Variants in PABPC4L observed in about 807,000 individuals in gnomAD.
PABPC4L encodes the protein polyadenylate-binding protein 4-like.
For missense variants in PABPC4L, 452 were observed against 451.4 expected (o/e 1.00, Z -0.01); for synonymous variants, 169 against 164.1 (o/e 1.03, Z -0.23).
chr4:134,151,216 G>A, the PABPC4L span, among the ~76,000 whole-genome samples: 2 of 152,006 alleles, frequency 1.3e-5, no homozygotes, highest in African/African-American at 2.4e-5. Context: ...GATTACACAG[G>A]CATTTATGTT....
chr4:134,042,491 C>T, the PABPC4L span, among the ~76,000 whole-genome samples: 6 of 152,000 alleles, frequency 3.9e-5, no homozygotes, highest in East Asian at 3.9e-4. Context: ...AATTATGTTT[C>T]GTTCTCAAAA....
chr4:134,078,874 G>A, the PABPC4L span, among the ~76,000 whole-genome samples: 1,549 of 149,384 alleles, frequency 0.01, 24 homozygotes, highest in African/African-American at 0.037. Context: ...CTCCACGTTG[G>A]TCAGGCTGAT....
At chr4:134,006,406 G>T in the PABPC4L span, among the ~76,000 whole-genome samples, 1 of 151,864 alleles carries the variant, frequency 6.6e-6, no homozygotes, top group African/African-American at 2.4e-5. Flanking sequence ...CTATAAGAAA[G>T]TAGGGAAAAT....
the PABPC4L span, among the ~76,000 whole-genome samples, chr4:134,159,005 A>G: frequency 6.6e-6 from 1 of 152,190 alleles, no homozygotes; most frequent in Non-Finnish European, 1.5e-5. Context: ...GATACATAGA[A>G]AAAGCACGGT....
chr4:134,121,246 A>T, the PABPC4L span, among the ~76,000 whole-genome samples: 1 of 151,358 alleles, frequency 6.6e-6, no homozygotes, highest in Non-Finnish European at 1.5e-5. Flanking sequence ...TGTAACTCTG[A>T]TAACTAATAT....
At chr4:134,178,358 A>C in the PABPC4L span, among the ~76,000 whole-genome samples, 5 of 104,984 alleles carry the variant, frequency 4.8e-5, no homozygotes, top group Admixed American at 4.8e-4. Flanking sequence ...ATTAAAAAAG[A>C]AAAAAGCAAA....
chr4:134,127,941 G>T, the PABPC4L span, among the ~76,000 whole-genome samples: 4 of 151,958 alleles, frequency 2.6e-5, no homozygotes, highest in Admixed American at 2.6e-4. Context: ...AATCTCCAAT[G>T]AAATAAATAG....
the PABPC4L span, among the ~76,000 whole-genome samples, chr4:133,974,863 T>C: frequency 1.3e-5 from 2 of 152,196 alleles, 1 homozygote; most frequent in Admixed American, 1.3e-4. Flanking sequence ...TTAGCAAAAA[T>C]GTGGAGCAAC....
At chr4:134,025,305 C>CAAAAA in the PABPC4L span, among the ~76,000 whole-genome samples, 14 of 45,624 alleles carry the variant, frequency 3.1e-4, no homozygotes, top group East Asian at 8.3e-4. Flanking sequence ...GAATTCATCT[C>CAAAAA]AAAAAAAAAA....
chr4:134,144,263 T>A, the PABPC4L span, among the ~76,000 whole-genome samples: 1 of 151,534 alleles, frequency 6.6e-6, no homozygotes, highest in African/African-American at 2.4e-5. Flanking sequence ...ACTGAACAAT[T>A]GTGGTAGGCA....
chr4:134,113,855 A>T, the PABPC4L span, among the ~76,000 whole-genome samples: 2 of 151,848 alleles, frequency 1.3e-5, no homozygotes, highest in Non-Finnish European at 2.9e-5. Context: ...GTCATTTTCA[A>T]GCATCTATAA....
At chr4:134,033,251 T>A in the PABPC4L span, among the ~76,000 whole-genome samples, 1 of 151,820 alleles carries the variant, frequency 6.6e-6, no homozygotes, top group Non-Finnish European at 1.5e-5. Flanking sequence ...TATAAGACTG[T>A]AAACTTAATT....
the PABPC4L span, among the ~76,000 whole-genome samples, chr4:133,965,034 G>A: frequency 5.9e-5 from 9 of 152,110 alleles, no homozygotes; most frequent in Non-Finnish European, 1.2e-4. Flanking sequence ...AACTGTCACT[G>A]TTTATTGACA....
the PABPC4L span, among the ~76,000 whole-genome samples, chr4:134,061,467 G>T: frequency 6.6e-6 from 1 of 151,858 alleles, no homozygotes; most frequent in Non-Finnish European, 1.5e-5. Flanking sequence ...GCTTGCAGAA[G>T]AGAAGAAAGT....
the PABPC4L span, among the ~76,000 whole-genome samples, chr4:134,098,361 C>T: frequency 6.6e-6 from 1 of 151,752 alleles, no homozygotes; most frequent in African/African-American, 2.4e-5. Flanking sequence ...GTTTGCTAGA[C>T]ATCATACTCT....
the PABPC4L span, among the ~76,000 whole-genome samples, chr4:134,032,758 A>G: frequency 6.6e-6 from 1 of 152,036 alleles, no homozygotes; most frequent in African/African-American, 2.4e-5. Context: ...ACAAGAAAAA[A>G]TAAGTTACAA....
At chr4:134,196,216 C>A (rs1178968151), downstream of PABPC4L, 6 of 151,354 alleles carry the variant, frequency 4.0e-5, no homozygotes, top group Non-Finnish European at 8.9e-5. Flanking sequence ...TCCTTGAAAA[C>A]CTGAAATACA....
At chr4:134,020,926 G>T in the PABPC4L span, among the ~76,000 whole-genome samples, 1 of 152,020 alleles carries the variant, frequency 6.6e-6, no homozygotes, top group Non-Finnish European at 1.5e-5. Flanking sequence ...TTGTACTGTT[G>T]TAATTTCATA....
chr4:134,000,004 T>G, the PABPC4L span, among the ~76,000 whole-genome samples: 1 of 152,162 alleles, frequency 6.6e-6, no homozygotes, highest in South Asian at 2.1e-4. Flanking sequence ...AAAATTGGCT[T>G]GTAAGTTATA....
Sources: gnomAD v4.1 joint callset for allele counts (sites outside exome capture counted in the v4.1 genomes callset) on GRCh38, gnomAD v4.1.1 for gene constraint, MANE v1.5 for transcripts, NCBI Gene and HGNC (gene_info 2026-07-23, HGNC 2026-07-21) for gene names.